ARHGAP28: variants seen among roughly 807,000 people sequenced by gnomAD.
ARHGAP28 encodes Rho GTPase activating protein 28.
A neutral mutation model predicts 90.7 loss-of-function variants in ARHGAP28; 56 were observed. The ratio of observed to expected loss-of-function variants is 0.62; its 90% confidence interval spans 0.50 to 0.77. The LOEUF (loss-of-function observed/expected upper bound fraction) is 0.77, where lower values mean the gene tolerates loss of function less well. Among genes scored for constraint, ARHGAP28 ranks in the 30% least tolerant of loss-of-function variants. ARHGAP28 has a pLI of 0.00. For missense variants in ARHGAP28, 869 were observed against 900.9 expected, an observed-to-expected ratio of 0.96 and a Z score of 0.45; for synonymous variants, 308 against 323.3, an observed-to-expected ratio of 0.95 and a Z score of 0.51.
chr18:6,881,994 T>A (rs755269850), intron 10 of ARHGAP28, 143 bp from the exon 11 acceptor site: 44 of 623,148 alleles, frequency 7.1e-5, no homozygotes, highest in Non-Finnish European at 1.1e-4. Context: ...GCCTTAATCA[T>A]GTTGAAAAAA....
At chr18:6,776,307 C>T (rs1428160679) in intron 1 of ARHGAP28, among the ~76,000 whole-genome samples, 2 of 152,150 alleles carry the variant, frequency 1.3e-5, no homozygotes, top group Admixed American at 6.5e-5. Flanking sequence ...TGTTTCAAAC[C>T]CCAGCGGTGG....
At chr18:6,741,756 C>G (rs879858185) in intron 1 of ARHGAP28, among the ~76,000 whole-genome samples, 4 of 152,148 alleles carry the variant, frequency 2.6e-5, no homozygotes, top group Admixed American at 2.6e-4. Flanking sequence ...GTTATTCTTG[C>G]TTTTGTCTCT....
In ARHGAP28 at chr18:6,844,328, T is replaced by G. The variant is rs375104187; in HGVS notation, c.544-6706T>G. On this transcript the variant is annotated intron_variant, in intron 3 of 17. Transcript: ENST00000383472. Reference sequence around the variant, plus strand: ...CTACCATGAATCCAGTTTCTTTTTGTCTTTCTTTTTGGCTTTCATAAAAAC... The same window carrying G: ...CTACCATGAATCCAGTTTCTTTTTGGCTTTCTTTTTGGCTTTCATAAAAAC... Among the ~76,000 whole-genome samples, 4 of 152,202 alleles carry G rather than the reference T, an allele frequency of 2.6e-5. No homozygotes were observed. The East Asian group carries it at 7.7e-4, about 29-fold the overall frequency.
intron 1 of ARHGAP28, among the ~76,000 whole-genome samples, chr18:6,747,388 G>T (rs897565397): frequency 5.9e-5 from 9 of 152,202 alleles, no homozygotes; most frequent in African/African-American, 1.9e-4. Flanking sequence ...TTAGAGATTG[G>T]CAAGGGAAGT....
intron 12 of ARHGAP28, among the ~76,000 whole-genome samples, chr18:6,888,672 C>T (rs2057240996): frequency 6.6e-6 from 1 of 152,154 alleles, no homozygotes; most frequent in South Asian, 2.1e-4. Flanking sequence ...TATCAAATAT[C>T]TGAGTCAAAA....
intron 3 of ARHGAP28, among the ~76,000 whole-genome samples, chr18:6,841,170 C>T (rs1156403043): frequency 6.2e-5 from 5 of 81,160 alleles, no homozygotes; most frequent in Non-Finnish European, 1.3e-4. Flanking sequence ...TCTCTCTCCT[C>T]TCTCTCTCTC....
chr18:6,885,534 G>C (rs1229033821), intron 11 of ARHGAP28, among the ~76,000 whole-genome samples: 2 of 152,148 alleles, frequency 1.3e-5, no homozygotes, highest in African/African-American at 2.4e-5. Flanking sequence ...TCAAGCCTCA[G>C]ATGCTTTCAT....
chr18:6,782,592 ATTTTTT>A (rs10602816), intron 1 of ARHGAP28, among the ~76,000 whole-genome samples: 300 of 26,628 alleles, frequency 0.011, 1 homozygote, highest in African/African-American at 0.029. Context: ...TAATTTTTGT[ATTTTTT>A]TTTTTTTTTT....
At chr18:6,844,171 A>G (rs1373650423) in intron 3 of ARHGAP28, among the ~76,000 whole-genome samples, 1 of 152,256 alleles carries the variant, frequency 6.6e-6, no homozygotes, top group Non-Finnish European at 1.5e-5. Flanking sequence ...AATATATAGT[A>G]TGCTGTAAAA....
chr18:6,832,065 C>A (rs1388880149), intron 2 of ARHGAP28, among the ~76,000 whole-genome samples: 1 of 151,822 alleles, frequency 6.6e-6, no homozygotes, highest in East Asian at 1.9e-4. Context: ...AAACCTAGAC[C>A]ATTAATTTTA....
chr18:6,827,377 A>C (rs1287894062), intron 2 of ARHGAP28, among the ~76,000 whole-genome samples: 7 of 94,836 alleles, frequency 7.4e-5, no homozygotes, highest in African/African-American at 1.3e-4. Context: ...TGACCCCCCC[A>C]CCTCCCTCCG....
At chr18:6,730,927 T>G (rs1278475935) in intron 1 of ARHGAP28, among the ~76,000 whole-genome samples, 1 of 152,214 alleles carries the variant, frequency 6.6e-6, no homozygotes, top group African/African-American at 2.4e-5. Context: ...GTTTCCTAAT[T>G]TAATTGATTG....
intron 1 of ARHGAP28, among the ~76,000 whole-genome samples, chr18:6,786,779 C>G (rs1217609511): frequency 1.3e-5 from 2 of 151,116 alleles, no homozygotes; most frequent in African/African-American, 4.9e-5. Flanking sequence ...AATTATAAAG[C>G]TATTTGCTGT....
At chr18:6,730,678 T>C (rs2055873264) in intron 1 of ARHGAP28, among the ~76,000 whole-genome samples, 1 of 152,184 alleles carries the variant, frequency 6.6e-6, no homozygotes, top group Admixed American at 6.5e-5. Context: ...AATGAGACTT[T>C]CATTAACTGA....
At chr18:6,842,685 G>A (rs966719676) in intron 3 of ARHGAP28, among the ~76,000 whole-genome samples, 2 of 152,120 alleles carry the variant, frequency 1.3e-5, no homozygotes, top group South Asian at 2.1e-4. Context: ...AGATTGATTA[G>A]TATGGTAATG....
At chr18:6,868,633 G>A (rs1163599819) in intron 6 of ARHGAP28, among the ~76,000 whole-genome samples, 1 of 151,996 alleles carries the variant, frequency 6.6e-6, no homozygotes. Context: ...GGCTGCTGGG[G>A]AGGCTTTTAT....
At chr18:6,904,005 T>C (rs1254405579) in intron 16 of ARHGAP28, among the ~76,000 whole-genome samples, 1 of 152,000 alleles carries the variant, frequency 6.6e-6, no homozygotes, top group Admixed American at 6.6e-5. Flanking sequence ...ACTTTAAAAC[T>C]AAACCAGATA....
chr18:6,800,518 A>C (rs140598791), intron 1 of ARHGAP28, among the ~76,000 whole-genome samples: 11,594 of 152,280 alleles, frequency 0.076, 1,242 homozygotes, highest in African/African-American at 0.24. Context: ...ACCATGGAAT[A>C]CTATGCAGCC....
Position 6,902,810 on chromosome 18 carries a change from C to T in ARHGAP28, c.2031-6150C>T, listed in dbSNP as rs116751888. On this transcript the variant is annotated intron_variant, in intron 16 of 17. Coordinates refer to ENST00000383472, the MANE Select transcript of ARHGAP28 (RefSeq NM_001366230.1). ...TTACCATATGATCCAACAATTCCAC[C>T]TGTGGGTACGTGGCCAAAAAATTGA... is the stretch of plus-strand genomic sequence containing the variant. 6.2e-3 allele frequency among the ~76,000 whole-genome samples: 940 copies of T among 152,212 alleles called. 9 individuals carry two copies. The highest frequency in any genetic ancestry group is 0.021 in the African/African-American group (875 of 41,518).
Sources: allele counts gnomAD v4.1 joint callset (sites outside exome capture counted in the v4.1 genomes callset), GRCh38; gene constraint gnomAD v4.1.1; transcripts MANE v1.5; gene names NCBI Gene and HGNC (gene_info 2026-07-23, HGNC 2026-07-21).